MARCHF8: variants seen among roughly 807,000 people sequenced by gnomAD.
MARCHF8 encodes the protein membrane associated ring-CH-type finger 8.
In MARCHF8, 40 loss-of-function variants were observed where a neutral mutation model predicts 51.6. The observed-to-expected ratio is 0.77, with a 90% CI of 0.60 to 1.01. The LOEUF is 1.01. Among genes scored for constraint, MARCHF8 ranks in the 50% least tolerant of loss-of-function variants. The probability of loss-of-function intolerance (pLI) is 0.00; values close to 1 mark genes in which losing one functional copy is unlikely to be tolerated. For missense variants in MARCHF8, 685 were observed against 708.6 expected, an observed-to-expected ratio of 0.97 and a Z score of 0.38; for synonymous variants, 263 against 280.3, an observed-to-expected ratio of 0.94 and a Z score of 0.62.
At position 45,463,169 on chromosome 10, in the gene MARCHF8, G is replaced by A. The variant is rs527358215; in HGVS notation, c.1070C>T (p.Thr357Met). 1.0e-4 allele frequency: 155 copies of A among 1,550,230 alleles called. No individual in the cohort carries two copies. In the African/African-American group the frequency reaches 1.4e-3, roughly 14 times the overall value. ...AACCAACCTGCAGACATCCCCTGACGTGGACACGGGAGATATGGGGGGTAA... is the reference window on the plus strand; with the variant it reads ...AACCAACCTGCAGACATCCCCTGACATGGACACGGGAGATATGGGGGGTAA... ...EKLPPISPVSTSGDVCRICHC... is the reference protein window; with the variant it reads ...EKLPPISPVSMSGDVCRICHC... The change falls in exon 5 of 8, where the codon ACG (threonine) becomes ATG (methionine). Residue 357 changes from threonine (T) to methionine (M), a missense_variant. Thr to Met is a moderately conservative substitution (Grantham distance 81). Transcript: ENST00000453424.
intron 1 of MARCHF8, among the ~76,000 whole-genome samples, chr10:45,543,536 T>C (rs34604216): frequency 0.062 from 9,386 of 151,864 alleles, 333 homozygotes; most frequent in Non-Finnish European, 0.067. Flanking sequence ...CGGTGGCTCA[T>C]GCCTGTAATC....
intron 2 of MARCHF8, among the ~76,000 whole-genome samples, chr10:45,495,446 A>G (rs2043156311): frequency 6.6e-6 from 1 of 152,078 alleles, no homozygotes; most frequent in South Asian, 2.1e-4. Flanking sequence ...TTTTGTGAGG[A>G]CCCATTCAAA....
rs182707538 is a variant in MARCHF8 at position 45,527,153 on chromosome 10, G to A, written c.102+5957C>T. ...CTGTAAATGGATTCAAGAAAGAAAA[G>A]TTTATAGCGTTAAATGCCTAAATCG... On this transcript the variant is annotated intron_variant, in intron 2 of 7. Coordinates refer to ENST00000453424, the MANE Select transcript of MARCHF8 (RefSeq NM_001282866.2). Among the ~76,000 whole-genome samples the A allele has an allele frequency of 9.9e-5, 15 of 152,142 alleles. No homozygotes were observed. In the East Asian group the frequency reaches 2.9e-3, roughly 29 times the overall value.
intron 1 of MARCHF8, among the ~76,000 whole-genome samples, chr10:45,580,185 C>G (rs972884312): frequency 7.3e-5 from 11 of 151,704 alleles, no homozygotes; most frequent in African/African-American, 2.7e-4. Flanking sequence ...ACGTAAACAA[C>G]TTAGGATATA....
intron 1 of MARCHF8, among the ~76,000 whole-genome samples, chr10:45,572,474 C>A (rs2044441792): frequency 6.6e-6 from 1 of 152,172 alleles, no homozygotes; most frequent in African/African-American, 2.4e-5. Flanking sequence ...TTTTCTTCTG[C>A]AATGCCACTT....
At chr10:45,581,941 CAA>C (rs78688601) in intron 1 of MARCHF8, among the ~76,000 whole-genome samples, 102 of 92,078 alleles carry the variant, frequency 1.1e-3, no homozygotes, top group Admixed American at 3.3e-3. Flanking sequence ...GCACTTCAAC[CAA>C]AAAAAAAAAA....
In MARCHF8 at chr10:45,463,466, A is replaced by C. The variant is rs767195159; in HGVS notation, c.773T>G (p.Leu258Arg). ...DGEATSRSRQ[L>R]LQYLFSLSHG... ...CGAGAGTGAGAACAGGTACTGGAGC[A>C]GTTGCCGGCTTCGGGACGTGGCCTC... is the stretch of plus-strand genomic sequence containing the variant. Residue 258 changes from leucine (L) to arginine (R), a missense_variant, in exon 5 of 8, where the codon CTG becomes CGG. Leu to Arg is a moderately radical substitution (Grantham distance 102). Transcript: ENST00000453424. The C allele has an allele frequency of 2.6e-6, 4 of 1,550,648 alleles. No homozygotes were observed. Among genetic ancestry groups the C allele is most frequent in the South Asian group, 2.4e-5 (2 of 84,064 alleles).
intron 1 of MARCHF8, among the ~76,000 whole-genome samples, chr10:45,541,314 G>GC (rs2044049250): frequency 6.6e-6 from 1 of 152,102 alleles, no homozygotes; most frequent in Non-Finnish European, 1.5e-5. Flanking sequence ...GCAAACTATT[G>GC]CAAGGACAAA....
rs572316914 is a variant in MARCHF8 at position 45,555,143 on chromosome 10, C to T, written c.-78-21854G>A. ...ACTCAGGAGGCCAAGGGAAGAGAAT[C>T]GCTTGAACCTAGAAGGTAGAGGTTG... On this transcript the variant is annotated intron_variant, in intron 1 of 6. Transcript: ENST00000319836. Among the ~76,000 whole-genome samples the T allele has an allele frequency of 3.9e-5, 6 of 152,122 alleles. No individual in the cohort carries two copies. In the East Asian group the frequency reaches 5.8e-4, roughly 15 times the overall value.
upstream of MARCHF8, among the ~76,000 whole-genome samples, chr10:45,538,326 A>G (rs922937813): frequency 6.6e-6 from 1 of 152,188 alleles, no homozygotes; most frequent in Non-Finnish European, 1.5e-5. Context: ...AGCACTAAAC[A>G]TGGAAAGGAA....
At chr10:45,509,884 A>C (rs2043462523) in intron 2 of MARCHF8, among the ~76,000 whole-genome samples, 5 of 152,200 alleles carry the variant, frequency 3.3e-5, no homozygotes, top group Admixed American at 3.3e-4. Flanking sequence ...TAAAAAATCC[A>C]ATCTGAGATT....
At chr10:45,584,759 C>T (rs2044600285) in intron 1 of MARCHF8, among the ~76,000 whole-genome samples, 1 of 152,020 alleles carries the variant, frequency 6.6e-6, no homozygotes, top group African/African-American at 2.4e-5. Flanking sequence ...TGGTCTCCAT[C>T]TAGAGAAGGA....
At chr10:45,550,853 A>G (rs1040046839) in intron 1 of MARCHF8, among the ~76,000 whole-genome samples, 1 of 152,216 alleles carries the variant, frequency 6.6e-6, no homozygotes, top group Admixed American at 6.5e-5. Flanking sequence ...CAGTTACCCA[A>G]TTTCTTTACA....
At chr10:45,512,123 C>T (rs1162741286) in intron 2 of MARCHF8, among the ~76,000 whole-genome samples, 1 of 151,074 alleles carries the variant, frequency 6.6e-6, no homozygotes, top group Non-Finnish European at 1.5e-5. Flanking sequence ...TGTGAGAGCG[C>T]CCAGCCGCGA....
intron 3 of MARCHF8, among the ~76,000 whole-genome samples, chr10:45,469,940 G>A (rs1303067659): frequency 6.8e-6 from 1 of 147,712 alleles, no homozygotes; most frequent in Non-Finnish European, 1.5e-5. Flanking sequence ...GAAAGTCACT[G>A]CCTGACTGTA....
At chr10:45,540,934 G>C (rs1301771256) in intron 1 of MARCHF8, among the ~76,000 whole-genome samples, 3 of 152,204 alleles carry the variant, frequency 2.0e-5, no homozygotes, top group Non-Finnish European at 4.4e-5. Context: ...TGCTGGAGAG[G>C]ATGTGGAGAA....
intron 1 of MARCHF8, among the ~76,000 whole-genome samples, chr10:45,583,745 G>A (rs576148065): frequency 1.3e-5 from 2 of 152,164 alleles, no homozygotes; most frequent in African/African-American, 4.8e-5. Flanking sequence ...TGTACTTACA[G>A]TATTTGACTT....
chr10:45,568,715 CAAAA>C (rs71023130), intron 1 of MARCHF8, among the ~76,000 whole-genome samples: 13 of 75,574 alleles, frequency 1.7e-4, no homozygotes, highest in Middle Eastern at 0.016. Context: ...GAGACTGTTT[CAAAA>C]AAAAAAAAAA....
chr10:45,481,012 G>A (rs985818435), intron 3 of MARCHF8, among the ~76,000 whole-genome samples: 1 of 152,284 alleles, frequency 6.6e-6, no homozygotes, highest in Non-Finnish European at 1.5e-5. Flanking sequence ...TACAGGGGCA[G>A]AGCTGCCAAA....
Sources: gnomAD v4.1 joint callset for allele counts (sites outside exome capture counted in the v4.1 genomes callset) on GRCh38, gnomAD v4.1.1 for gene constraint, MANE v1.5 for transcripts, NCBI Gene and HGNC (gene_info 2026-07-23, HGNC 2026-07-21) for gene names.